PDZD2: variants seen among roughly 807,000 people sequenced by gnomAD.
PDZD2 encodes PDZ domain-containing protein 2.
In PDZD2, 90 loss-of-function variants were observed where a neutral mutation model predicts 220.7. The observed-to-expected ratio is 0.41, with a 90% CI of 0.34 to 0.49. The LOEUF (loss-of-function observed/expected upper bound fraction) is 0.49, where lower values mean the gene tolerates loss of function less well. Among genes scored for constraint, PDZD2 ranks in the 20% least tolerant of loss-of-function variants. The pLI is 0.28. For synonymous variants in PDZD2, 1,375 were observed against 1,450.5 expected, an observed-to-expected ratio of 0.95 and a Z score of 1.18; for missense variants, 3,174 against 3,608.5, an observed-to-expected ratio of 0.88 and a Z score of 3.08.
chr5:31,910,217 A>ATTTTTTT lies in PDZD2; in HGVS notation c.477-72925_477-72919dup, dbSNP rs70957978. ...AGCTGTGGAGCTCCAGAGTTCCTGC[A>ATTTTTTT]TTTTTTTTTTTTTTTTTTTGGAGAC... On this transcript the variant is annotated intron_variant, in intron 2 of 24. Coordinates refer to ENST00000438447, the MANE Select transcript of PDZD2 (RefSeq NM_178140.4). Among the ~76,000 whole-genome samples, 545 of 106,776 alleles carry ATTTTTTT rather than the reference A, an allele frequency of 5.1e-3. 14 individuals carry two copies. Among genetic ancestry groups the ATTTTTTT allele is most frequent in the African/African-American group, 0.019 (504 of 26,754 alleles). The allele number at this position is 106,776 out of a possible 152,430, so 70.0% of individuals were successfully genotyped here.
chr5:32,052,789 G>GTTTTA (rs1738698483), intron 9 of PDZD2, 59 bp downstream of exon 9: 12 of 1,560,642 alleles, frequency 7.7e-6, no homozygotes, highest in South Asian at 5.8e-5. Flanking sequence ...CACATTTTTT[G>GTTTTA]TTTTATTTTA....
intron 2 of PDZD2, among the ~76,000 whole-genome samples, chr5:31,802,002 T>C (rs1369356443): frequency 6.6e-6 from 1 of 152,086 alleles, no homozygotes; most frequent in African/African-American, 2.4e-5. Flanking sequence ...GATGCCCAGT[T>C]TTGCAAAGAA....
intron 5 of PDZD2, among the ~76,000 whole-genome samples, chr5:32,002,251 A>AG (rs1752190083): frequency 1.3e-5 from 2 of 152,104 alleles, no homozygotes; most frequent in Admixed American, 1.3e-4. Context: ...TGGCAGGAAG[A>AG]GGGGGCGTCT....
chr5:31,908,638 G>A lies in PDZD2; in HGVS notation c.477-74517G>A, dbSNP rs1197807077. On this transcript the variant is annotated intron_variant, in intron 2 of 24. Transcript: ENST00000438447. The stretch of plus-strand genomic sequence containing the variant: ...CTACAAGAAATACATCAAAGGTTAC[G>A]TGATATCAAAGACAAACTTGAAGAA... 24 of 589,318 alleles carry A rather than the reference G, an allele frequency of 4.1e-5. 1 individual carries two copies. The highest frequency in any genetic ancestry group is 2.1e-4 in the South Asian group (13 of 62,166). 36.5% of individuals were successfully genotyped at this position (589,318 alleles called of 1,614,324 possible).
chr5:31,953,758 A>C (rs1355442159), intron 2 of PDZD2, among the ~76,000 whole-genome samples: 1 of 151,814 alleles, frequency 6.6e-6, no homozygotes, highest in Non-Finnish European at 1.5e-5. Context: ...AGGTTGAAGC[A>C]ATTCTGCCTC....
intron 19 of PDZD2, among the ~76,000 whole-genome samples, chr5:32,082,810 GTTGA>G (rs1742098958): frequency 6.6e-6 from 1 of 152,172 alleles, no homozygotes; most frequent in Non-Finnish European, 1.5e-5. Flanking sequence ...ACCAAGATGT[GTTGA>G]TTGTGAGGTC....
At chr5:32,071,475 G>A in intron 16 of PDZD2, 57 bp downstream of exon 16, 2 of 1,387,674 alleles carry the variant, frequency 1.4e-6, no homozygotes, top group Non-Finnish European at 2.1e-6. Flanking sequence ...ACTAATTCCT[G>A]GAGCCCACAA....
chr5:31,974,589 G>A lies in PDZD2; in HGVS notation c.477-8566G>A, dbSNP rs192730410. ...AATGCACCAGAGTTTTATGGATGTC[G>A]GCAGAAGACAGACTCCTGGCTCAAA... On this transcript the variant is annotated intron_variant, in intron 2 of 24. Coordinates refer to ENST00000438447, the MANE Select transcript of PDZD2 (RefSeq NM_178140.4). Among the ~76,000 whole-genome samples, 448 of 152,158 alleles carry A rather than the reference G, an allele frequency of 2.9e-3. 1 individual carries two copies. The highest frequency in any genetic ancestry group is 4.1e-3 in the Non-Finnish European group (281 of 67,990).
chr5:31,808,303 A>G (rs1229375974), intron 2 of PDZD2, among the ~76,000 whole-genome samples: 1 of 152,250 alleles, frequency 6.6e-6, no homozygotes, highest in Non-Finnish European at 1.5e-5. Flanking sequence ...GAAGCATGTA[A>G]TACACTTTAG....
chr5:31,756,179 C>T (rs955712247), intron 1 of PDZD2, among the ~76,000 whole-genome samples: 2 of 152,044 alleles, frequency 1.3e-5, no homozygotes, highest in East Asian at 1.9e-4. Flanking sequence ...CTCCAGGACC[C>T]GGGGGTGCCT....
chr5:31,698,335 C>G (rs1747462678), intron 1 of PDZD2, among the ~76,000 whole-genome samples: 2 of 150,518 alleles, frequency 1.3e-5, no homozygotes, highest in African/African-American at 4.9e-5. Context: ...GTGGCTCACG[C>G]CTGTAATCCC....
chr5:31,729,891 G>T (rs144677759), intron 1 of PDZD2, among the ~76,000 whole-genome samples: 1 of 152,084 alleles, frequency 6.6e-6, no homozygotes, highest in Admixed American at 6.5e-5. Context: ...GCAGTGGTGC[G>T]ATCTCGGCTA....
chr5:31,728,095 C>G (rs987738590), intron 1 of PDZD2, among the ~76,000 whole-genome samples: 1 of 151,544 alleles, frequency 6.6e-6, no homozygotes, highest in African/African-American at 2.4e-5. Context: ...AATTTCTTCT[C>G]TGATTCTAAA....
At chr5:31,892,625 T>C (rs1741145170) in intron 2 of PDZD2, among the ~76,000 whole-genome samples, 1 of 151,724 alleles carries the variant, frequency 6.6e-6, no homozygotes, top group Non-Finnish European at 1.5e-5. Flanking sequence ...TGGAGTGCAG[T>C]GGCGAGACCA....
intron 1 of PDZD2, among the ~76,000 whole-genome samples, chr5:31,788,872 T>A (rs1753539961): frequency 6.6e-6 from 1 of 152,166 alleles, no homozygotes; most frequent in Non-Finnish European, 1.5e-5. Flanking sequence ...AGACACATGC[T>A]CTGTATTTTT....
intron 2 of PDZD2, chr5:31,847,437 CAG>C: frequency 1.8e-6 from 1 of 547,810 alleles, no homozygotes. Context: ...GTTCGCGTAA[CAG>C]AGATATCATT....
intron 6 of PDZD2, among the ~76,000 whole-genome samples, chr5:32,017,737 G>A (rs1305564191): frequency 6.6e-6 from 1 of 152,188 alleles, no homozygotes; most frequent in Non-Finnish European, 1.5e-5. Flanking sequence ...GGGAATTTAG[G>A]ACTTGGTTTT....
intron 2 of PDZD2, among the ~76,000 whole-genome samples, chr5:31,870,707 G>A (rs1265082868): frequency 1.3e-5 from 2 of 152,006 alleles, no homozygotes; most frequent in Admixed American, 1.3e-4. Context: ...GGCCAACATG[G>A]TGAAACCCCC....
intron 1 of PDZD2, among the ~76,000 whole-genome samples, chr5:31,721,319 T>C (rs1367385120): frequency 6.6e-6 from 1 of 152,140 alleles, no homozygotes; most frequent in African/African-American, 2.4e-5. Flanking sequence ...AGAGAACCCG[T>C]GTGAGAACTG....
Sources: gnomAD v4.1 joint callset for allele counts (sites outside exome capture counted in the v4.1 genomes callset) on GRCh38, gnomAD v4.1.1 for gene constraint, MANE v1.5 for transcripts, NCBI Gene and HGNC (gene_info 2026-07-23, HGNC 2026-07-21) for gene names.